NRXN3: variants seen among roughly 807,000 people sequenced by gnomAD.
NRXN3 encodes neurexin 3.
NRXN3 carries 32 observed loss-of-function variants against 137.6 expected under a neutral mutation model. That is an observed-to-expected ratio of 0.23 (90% CI 0.18 to 0.31). The LOEUF (loss-of-function observed/expected upper bound fraction) is 0.31. Among genes scored for constraint, NRXN3 ranks in the 10% least tolerant of loss-of-function variants. The probability of loss-of-function intolerance (pLI) is 1.00; values close to 1 mark genes in which losing one functional copy is unlikely to be tolerated. For synonymous variants in NRXN3, 798 were observed against 784.5 expected (o/e 1.02, Z -0.29); for missense variants, 1,574 against 2,062.5 (o/e 0.76, Z 4.59).
At chr14:78,831,032 A>G (rs1354083543) in intron 10 of NRXN3, among the ~76,000 whole-genome samples, 2 of 152,210 alleles carry the variant, frequency 1.3e-5, no homozygotes, top group African/African-American at 4.8e-5. Context: ...GAAGTGAGAA[A>G]TAGATCTTGG....
rs140251417 is a variant in NRXN3 at position 78,854,524 on chromosome 14, G to A, written c.2275+44180G>A. 1.1e-4 allele frequency among the ~76,000 whole-genome samples: 17 copies of A among 152,138 alleles called. No homozygotes were observed. The East Asian group carries it at 3.1e-3, about 28-fold the overall frequency. On this transcript the variant is annotated intron_variant, in intron 10 of 20. Coordinates refer to ENST00000335750, the MANE Select transcript of NRXN3 (RefSeq NM_001330195.2). Reference sequence around the variant, plus strand: ...TAGTTATGTTTGAAATGCCAACAATGAATAAATTAAATTAAAATTTATTGA... The same window carrying A: ...TAGTTATGTTTGAAATGCCAACAATAAATAAATTAAATTAAAATTTATTGA...
At chr14:78,231,820 G>A (rs369379506) in intron 1 of NRXN3, among the ~76,000 whole-genome samples, 10 of 152,356 alleles carry the variant, frequency 6.6e-5, no homozygotes, top group Middle Eastern at 3.4e-3. Flanking sequence ...AGTGTATTAT[G>A]AGTGTTTGCT....
chr14:78,889,690 C>A (rs949692742), intron 10 of NRXN3, among the ~76,000 whole-genome samples: 4 of 152,024 alleles, frequency 2.6e-5, no homozygotes, highest in African/African-American at 9.7e-5. Context: ...GAAGACAAAG[C>A]TCTGGCCTCA....
chr14:78,252,729 T>A (rs914381253), intron 2 of NRXN3, among the ~76,000 whole-genome samples: 1 of 152,206 alleles, frequency 6.6e-6, no homozygotes, highest in South Asian at 2.1e-4. Flanking sequence ...CTGCAATCTC[T>A]CCTCCAGGTA....
At chr14:78,172,185 G>T (rs947157859) in intron 1 of NRXN3, among the ~76,000 whole-genome samples, 1 of 152,080 alleles carries the variant, frequency 6.6e-6, no homozygotes, top group Admixed American at 6.5e-5. Flanking sequence ...GTTTGCCTTT[G>T]TGATGAAGGT....
At chr14:79,201,636 G>T (rs2066026682) in intron 15 of NRXN3, 1 of 152,046 alleles carries the variant, frequency 6.6e-6, no homozygotes, top group South Asian at 2.1e-4. Flanking sequence ...AAGACTCTGG[G>T]TATTAATTCA....
intron 16 of NRXN3, among the ~76,000 whole-genome samples, chr14:79,495,725 A>G (rs1202071973): frequency 6.6e-6 from 1 of 152,192 alleles, no homozygotes; most frequent in Non-Finnish European, 1.5e-5. Context: ...AAAGTTGCAC[A>G]GCTAGTAATT....
chr14:79,538,298 T>G (rs2097234416), intron 16 of NRXN3, among the ~76,000 whole-genome samples: 1 of 152,214 alleles, frequency 6.6e-6, no homozygotes, highest in African/African-American at 2.4e-5. Flanking sequence ...TTAGTTTAAT[T>G]AGATCCCATT....
intron 4 of NRXN3, among the ~76,000 whole-genome samples, chr14:78,541,953 C>G (rs897046465): frequency 6.6e-6 from 1 of 151,968 alleles, no homozygotes; most frequent in Non-Finnish European, 1.5e-5. Flanking sequence ...GCAGAGGCTG[C>G]AGAACAGCAA....
intron 20 of NRXN3, among the ~76,000 whole-genome samples, chr14:79,828,969 C>T (rs945074854): frequency 2.0e-5 from 3 of 152,050 alleles, no homozygotes; most frequent in African/African-American, 4.8e-5. Flanking sequence ...AACTATTGAT[C>T]GATTTATAAT....
chr14:78,827,271 GAA>G lies in NRXN3; in HGVS notation c.2275+16940_2275+16941del, dbSNP rs11462484. ...ATCCTTTGGGCTAACTGAGAGGACC[GAA>G]AAAAAAAAAAAATACAAAAGAACAT... On this transcript the variant is annotated intron_variant, in intron 10 of 20. Coordinates refer to ENST00000335750, the MANE Select transcript of NRXN3 (RefSeq NM_001330195.2). Among the ~76,000 whole-genome samples, 1,769 of 142,204 alleles carry G rather than the reference GAA, an allele frequency of 0.012. 192 individuals are homozygous for G. The East Asian group carries it at 0.26, about 21-fold the overall frequency. 93.3% of individuals were successfully genotyped at this position (142,204 alleles called of 152,430 possible).
At chr14:78,506,027 G>A (rs1462515544) in intron 4 of NRXN3, among the ~76,000 whole-genome samples, 2 of 152,102 alleles carry the variant, frequency 1.3e-5, no homozygotes, top group Admixed American at 1.3e-4. Context: ...AAACTTTGAA[G>A]TGCTCAATAC....
intron 15 of NRXN3, among the ~76,000 whole-genome samples, chr14:79,252,905 C>A (rs1200768662): frequency 5.9e-5 from 9 of 152,140 alleles, no homozygotes; most frequent in Non-Finnish European, 2.9e-5. Flanking sequence ...AGTTGCCCAG[C>A]CACATCCATT....
At chr14:79,614,201 C>T (rs1007357587) in intron 16 of NRXN3, among the ~76,000 whole-genome samples, 3 of 152,176 alleles carry the variant, frequency 2.0e-5, no homozygotes, top group South Asian at 2.1e-4. Context: ...TGAGATAGAA[C>T]ACACATATAC....
chr14:79,382,642 T>C (rs184745998), intron 15 of NRXN3, among the ~76,000 whole-genome samples: 6 of 152,200 alleles, frequency 3.9e-5, no homozygotes, highest in African/African-American at 1.2e-4. Flanking sequence ...ATATAAGATA[T>C]AGATACCAGC....
chr14:79,497,510 C>T lies in NRXN3; in HGVS notation c.3444+30108C>T, dbSNP rs78056476. 2.0e-5 allele frequency among the ~76,000 whole-genome samples: 3 copies of T among 152,236 alleles called. No homozygotes were observed. In the East Asian group the frequency reaches 5.8e-4, roughly 29 times the overall value. On this transcript the variant is annotated intron_variant, in intron 16 of 20. Transcript: ENST00000335750. ...TTCCTTATCCCACCTCCCTGCAGTT[C>T]CTTCTCCCTTACCCTGCCTTACTTT...
intron 15 of NRXN3, among the ~76,000 whole-genome samples, chr14:79,277,848 G>A (rs1183020453): frequency 6.6e-6 from 1 of 152,200 alleles, no homozygotes; most frequent in African/African-American, 2.4e-5. Flanking sequence ...AGGGCAGTTA[G>A]GGTGACTGTG....
intron 4 of NRXN3, among the ~76,000 whole-genome samples, chr14:78,643,295 G>A (rs2097653594): frequency 6.6e-6 from 1 of 152,176 alleles, no homozygotes; most frequent in Non-Finnish European, 1.5e-5. Context: ...TGTAGTTCCG[G>A]CAGGGAAAAT....
At chr14:79,499,956 CGTGTGTGTGTGTGT>C (rs35371414) in intron 16 of NRXN3, among the ~76,000 whole-genome samples, 4 of 145,140 alleles carry the variant, frequency 2.8e-5, no homozygotes, top group Non-Finnish European at 6.0e-5. Flanking sequence ...ATCTTAGGGT[CGTGTGTGTGTGTGT>C]GTGTGTGTGT....
Sources: allele counts gnomAD v4.1 joint callset (sites outside exome capture counted in the v4.1 genomes callset), GRCh38; gene constraint gnomAD v4.1.1; transcripts MANE v1.5; gene names NCBI Gene and HGNC (gene_info 2026-07-23, HGNC 2026-07-21).